Variants in KHDRBS2 observed in about 807,000 individuals in gnomAD.
KHDRBS2 encodes the protein KH RNA binding domain containing, signal transduction associated 2.
Under a neutral mutation model 44.3 loss-of-function variants are expected in KHDRBS2, and 26 were observed. The ratio of observed to expected loss-of-function variants is 0.59; its 90% CI spans 0.43 to 0.81. The LOEUF is 0.81. Among genes scored for constraint, KHDRBS2 ranks in the 40% least tolerant of loss-of-function variants. The probability of loss-of-function intolerance (pLI) is 0.00; values close to 1 mark genes in which losing one functional copy is unlikely to be tolerated. For missense variants in KHDRBS2, 476 were observed against 433.1 expected, an observed-to-expected ratio of 1.10 and a Z score of -0.88; for synonymous variants, 194 against 151.1, an observed-to-expected ratio of 1.28 and a Z score of -2.08.
intron 6 of KHDRBS2, among the ~76,000 whole-genome samples, chr6:61,887,348 G>C (rs1048431670): frequency 6.6e-6 from 1 of 152,034 alleles, no homozygotes; most frequent in Non-Finnish European, 1.5e-5. Flanking sequence ...GGGAGTTTTT[G>C]TTGAAATATT....
intron 6 of KHDRBS2, among the ~76,000 whole-genome samples, chr6:61,753,183 T>C (rs994111197): frequency 6.6e-6 from 1 of 152,100 alleles, no homozygotes; most frequent in African/African-American, 2.4e-5. Context: ...TTCCTCTCTC[T>C]CTCCTCATTC....
intron 3 of KHDRBS2, among the ~76,000 whole-genome samples, chr6:61,997,861 C>G (rs1411842569): frequency 6.6e-6 from 1 of 152,102 alleles, no homozygotes; most frequent in Non-Finnish European, 1.5e-5. Context: ...AAGAAATGTA[C>G]AGTACTACAG....
intron 2 of KHDRBS2, among the ~76,000 whole-genome samples, chr6:62,048,396 C>G (rs541531833): frequency 1.3e-5 from 2 of 151,658 alleles, no homozygotes; most frequent in Non-Finnish European, 2.9e-5. Context: ...GTCTATGAAC[C>G]TTCAAAATTG....
At chr6:61,575,303 G>T in the KHDRBS2 span, among the ~76,000 whole-genome samples, 1 of 152,194 alleles carries the variant, frequency 6.6e-6, no homozygotes, top group South Asian at 2.1e-4. Flanking sequence ...AGTGGGCAAA[G>T]GACATGAATA....
intron 6 of KHDRBS2, among the ~76,000 whole-genome samples, chr6:61,829,978 C>G (rs1393164562): frequency 6.6e-6 from 1 of 152,246 alleles, no homozygotes; most frequent in African/African-American, 2.4e-5. Context: ...AGAAAAATTT[C>G]AAGGGAATTA....
At chr6:61,880,390 G>T (rs1800035233) in intron 6 of KHDRBS2, among the ~76,000 whole-genome samples, 2 of 151,748 alleles carry the variant, frequency 1.3e-5, no homozygotes, top group Non-Finnish European at 2.9e-5. Context: ...TTATTTTAGG[G>T]GTAATATCTG....
chr6:61,852,920 A>T (rs1160599029), intron 6 of KHDRBS2, among the ~76,000 whole-genome samples: 1 of 152,192 alleles, frequency 6.6e-6, no homozygotes, highest in African/African-American at 2.4e-5. Context: ...TATATTAAAG[A>T]TCTTAACTCT....
intron 6 of KHDRBS2, among the ~76,000 whole-genome samples, chr6:61,736,705 C>G (rs1209246231): frequency 2.6e-5 from 4 of 151,930 alleles, no homozygotes; most frequent in African/African-American, 9.7e-5. Context: ...CCTGAAATCC[C>G]TATGTTTCCC....
chr6:61,705,246 T>C (rs1769332762), intron 7 of KHDRBS2, among the ~76,000 whole-genome samples: 1 of 151,820 alleles, frequency 6.6e-6, no homozygotes, highest in Non-Finnish European at 1.5e-5. Flanking sequence ...TCTTTCCGAC[T>C]CCCTACCCCT....
the KHDRBS2 span, among the ~76,000 whole-genome samples, chr6:61,571,013 A>T: frequency 6.6e-6 from 1 of 152,120 alleles, no homozygotes; most frequent in Non-Finnish European, 1.5e-5. Flanking sequence ...ACAATGAAAA[A>T]AAAACAAGGT....
the KHDRBS2 span, among the ~76,000 whole-genome samples, chr6:61,592,021 C>A: frequency 9.2e-5 from 14 of 151,760 alleles, no homozygotes; most frequent in Admixed American, 9.2e-4. Context: ...AGACCCTCAT[C>A]TTTACAAACA....
intron 1 of KHDRBS2, among the ~76,000 whole-genome samples, chr6:62,239,254 T>C (rs1208551357): frequency 6.6e-6 from 1 of 152,186 alleles, no homozygotes; most frequent in Non-Finnish European, 1.5e-5. Context: ...TTCAAGTGGT[T>C]TGCAAAAACA....
chr6:61,782,699 A>G (rs1262787042), intron 6 of KHDRBS2, among the ~76,000 whole-genome samples: 23,640 of 54,704 alleles, frequency 0.43, 3,296 homozygotes, highest in Middle Eastern at 0.55. Context: ...GTATATATAT[A>G]TATATATATA....
chr6:61,617,664 A>G, the KHDRBS2 span, among the ~76,000 whole-genome samples: 1 of 152,166 alleles, frequency 6.6e-6, no homozygotes, highest in Non-Finnish European at 1.5e-5. Context: ...TGAGTATCTA[A>G]TGTCAGCAAT....
chr6:61,891,302 A>G (rs569722362), intron 6 of KHDRBS2, among the ~76,000 whole-genome samples: 3 of 152,208 alleles, frequency 2.0e-5, no homozygotes, highest in Non-Finnish European at 4.4e-5. Context: ...CATGGTGGAT[A>G]AGCTTTTTGA....
At chr6:62,280,862 G>C (rs1193702633) in intron 1 of KHDRBS2, among the ~76,000 whole-genome samples, 2 of 152,186 alleles carry the variant, frequency 1.3e-5, no homozygotes, top group Non-Finnish European at 2.9e-5. Context: ...GATATGGATG[G>C]CAAGTCAACC....
chr6:62,220,734 T>C (rs1354211989), intron 1 of KHDRBS2, among the ~76,000 whole-genome samples: 3 of 151,444 alleles, frequency 2.0e-5, no homozygotes, highest in Non-Finnish European at 3.0e-5. Context: ...AATATTGAAA[T>C]AATCAACAGA....
At chr6:61,614,210 G>A in the KHDRBS2 span, among the ~76,000 whole-genome samples, 7 of 152,096 alleles carry the variant, frequency 4.6e-5, no homozygotes, top group African/African-American at 1.4e-4. Context: ...TATTAAACAT[G>A]TTGTGGTCTT....
chr6:62,125,401 A>G (rs1272946618), intron 2 of KHDRBS2, among the ~76,000 whole-genome samples: 1 of 152,142 alleles, frequency 6.6e-6, no homozygotes, highest in Non-Finnish European at 1.5e-5. Context: ...TCCTCAGTGA[A>G]CCTGAAAAGT....
Sources: allele counts gnomAD v4.1 joint callset (sites outside exome capture counted in the v4.1 genomes callset), GRCh38; gene constraint gnomAD v4.1.1; transcripts MANE v1.5; gene names NCBI Gene and HGNC (gene_info 2026-07-23, HGNC 2026-07-21).